The following PKD1L1 variants were observed in gnomAD, a reference collection of about 807,000 sequenced individuals.
PKD1L1 encodes the protein polycystin 1 like 1, transient receptor potential channel interacting.
A neutral mutation model predicts 323.4 loss-of-function variants in PKD1L1; 236 were observed. The ratio of observed to expected loss-of-function variants is 0.73; its 90% CI spans 0.66 to 0.81. The LOEUF (loss-of-function observed/expected upper bound fraction) is 0.81, where lower values mean the gene tolerates loss of function less well. Among genes scored for constraint, PKD1L1 ranks in the 40% least tolerant of loss-of-function variants. The pLI is 0.00. For synonymous variants in PKD1L1, 1,344 were observed against 1,335.0 expected, an observed-to-expected ratio of 1.01 and a Z score of -0.15; for missense variants, 3,320 against 3,508.0, an observed-to-expected ratio of 0.95 and a Z score of 1.35.
At position 47,815,382 on chromosome 7, in the gene PKD1L1, A is replaced by G. The variant is rs1365982129; in HGVS notation, c.7041T>C (p.Asp2347=). 6.9e-5 allele frequency: 112 copies of G among 1,614,048 alleles called. No homozygotes were observed. Among genetic ancestry groups the G allele is most frequent in the Non-Finnish European group, 9.5e-5 (112 of 1,180,028 alleles). The change falls in exon 47 of 57, where the codon GAT becomes GAC. Residue 2347 remains aspartate (D), a synonymous_variant. Transcript: ENST00000289672. The part of the protein sequence containing the change: ...WWDWSLTTLL[D]GLYPGGTPSA... ...ACGGGGTGCCTCCCGGGTACAGGCC[A>G]TCCAGAAGTGTGGTCAGACTCCAGT... is the stretch of plus-strand genomic sequence containing the variant.
At position 47,858,672 on chromosome 7, in the gene PKD1L1, C is replaced by T; in HGVS notation, c.4362+1G>A. 7 of 1,607,932 alleles carry T rather than the reference C, an allele frequency of 4.4e-6. No individual in the cohort carries two copies. The highest frequency in any genetic ancestry group is 6.0e-6 in the Non-Finnish European group (7 of 1,174,422). ...ATGGATGGAGAAAAAGTGTGACTTA[C>T]CAACAATAAATCTGAGATGACTGTA... is the stretch of plus-strand genomic sequence containing the variant. On this transcript the variant is annotated splice_donor_variant, in intron 27 of 56. Transcript: ENST00000289672. LOFTEE classifies it high-confidence loss of function.
At chr7:47,864,507 G>A (rs555343790) in intron 26 of PKD1L1, among the ~76,000 whole-genome samples, 5 of 152,248 alleles carry the variant, frequency 3.3e-5, no homozygotes, top group South Asian at 4.2e-4. Context: ...TGGATAGTAC[G>A]TGTTCTCATC....
intron 13 of PKD1L1, among the ~76,000 whole-genome samples, chr7:47,901,327 C>CAAA (rs71699736): frequency 5.3e-4 from 33 of 62,544 alleles, no homozygotes; most frequent in Middle Eastern, 0.01. Flanking sequence ...AACAGAGTCT[C>CAAA]AAAAAAAAAA....
Position 47,905,304 on chromosome 7 carries a change from C to G in PKD1L1, c.1544G>C (p.Gly515Ala). Residue 515 changes from glycine to alanine, a missense_variant, in exon 11 of 57, where the codon GGA becomes GCA. Gly to Ala is a moderately conservative substitution (Grantham distance 60). Coordinates refer to ENST00000289672, the MANE Select transcript of PKD1L1 (RefSeq NM_138295.5). The stretch of plus-strand genomic sequence containing the variant: ...GTCTGTGTCTGTGGCAAACACAGTT[C>G]CATTTGTGTAGACAGAGACGGCTGT... ...KMQSVSVYTN[G>A]TVFATDTDIT... 2 of 1,613,952 alleles carry G rather than the reference C, an allele frequency of 1.2e-6. No individual in the cohort carries two copies. The highest frequency in any genetic ancestry group is 1.7e-6 in the Non-Finnish European group (2 of 1,179,944).
chr7:47,891,218 G>A (rs1475635392), intron 15 of PKD1L1, among the ~76,000 whole-genome samples: 1 of 152,188 alleles, frequency 6.6e-6, no homozygotes. Context: ...AGGCCTCAGA[G>A]TGTTTCCCTG....
chr7:47,786,692 T>C (rs1786815106), intron 56 of PKD1L1, among the ~76,000 whole-genome samples: 1 of 152,230 alleles, frequency 6.6e-6, no homozygotes, highest in South Asian at 2.1e-4. Context: ...CTGACATCTC[T>C]AAATTGCATC....
intron 56 of PKD1L1, among the ~76,000 whole-genome samples, chr7:47,781,364 T>C (rs6953528): frequency 0.38 from 57,065 of 149,724 alleles, 11,580 homozygotes; most frequent in East Asian, 0.78. Flanking sequence ...ATCCTCTCAA[T>C]AAAGTCATTT....
At chr7:47,894,661 G>A (rs1786897585) in intron 14 of PKD1L1, among the ~76,000 whole-genome samples, 1 of 152,018 alleles carries the variant, frequency 6.6e-6, no homozygotes, top group Admixed American at 6.6e-5. Context: ...GACCAGCCTG[G>A]GCAACACGGT....
At chr7:47,852,089 A>C (rs1490385388) in intron 31 of PKD1L1, among the ~76,000 whole-genome samples, 1 of 152,098 alleles carries the variant, frequency 6.6e-6, no homozygotes, top group Non-Finnish European at 1.5e-5. Context: ...GAGATGTTTA[A>C]GTATTCAGGG....
At chr7:47,781,399 GTTTTGTTTTGTTT>G (rs1786690543) in intron 56 of PKD1L1, among the ~76,000 whole-genome samples, 3 of 71,772 alleles carry the variant, frequency 4.2e-5, no homozygotes, top group Admixed American at 1.7e-4. Flanking sequence ...TTTTTTTTTT[GTTTTGTTTTGTTT>G]TTTTTTTTTT....
At chr7:47,829,224 G>T (rs1785292765) in intron 44 of PKD1L1, among the ~76,000 whole-genome samples, 1 of 151,848 alleles carries the variant, frequency 6.6e-6, no homozygotes, top group Non-Finnish European at 1.5e-5. Flanking sequence ...ACTTCTTTAG[G>T]ATTGGAGTTA....
At chr7:47,831,492 G>A in intron 41 of PKD1L1, 140 bp from the exon 42 acceptor site, 1 of 1,168,706 alleles carries the variant, frequency 8.6e-7, no homozygotes. Flanking sequence ...TGATTTTTGA[G>A]TGTGTTCGGG....
chr7:47,833,571 C>T lies in PKD1L1; in HGVS notation c.6175-319G>A, dbSNP rs147690076. Among the ~76,000 whole-genome samples, 591 of 152,224 alleles carry T rather than the reference C, an allele frequency of 3.9e-3. 2 individuals are homozygous for T. Among genetic ancestry groups the T allele is most frequent in the African/African-American group, 0.014 (563 of 41,542 alleles). On this transcript the variant is annotated intron_variant, in intron 40 of 56. Transcript: ENST00000289672. Reference sequence around the variant, plus strand: ...CAGAGGGGAATCCAGCCAAGAGCAACGGGTTGAACAAAGCCTCCAAGTGGG... The same window carrying T: ...CAGAGGGGAATCCAGCCAAGAGCAATGGGTTGAACAAAGCCTCCAAGTGGG...
At chr7:47,819,474 A>G in intron 46 of PKD1L1, 1 of 1,210,192 alleles carries the variant, frequency 8.3e-7, no homozygotes, top group Non-Finnish European at 1.1e-6. Flanking sequence ...ATTTCCATTG[A>G]GGACCCAAAT....
intron 40 of PKD1L1, among the ~76,000 whole-genome samples, chr7:47,834,003 G>T (rs1157238794): frequency 6.6e-6 from 1 of 152,170 alleles, no homozygotes; most frequent in Non-Finnish European, 1.5e-5. Flanking sequence ...CTCTCCCACG[G>T]TCCTGCCGGT....
At chr7:47,793,259 T>C (rs1786995199) in intron 55 of PKD1L1, among the ~76,000 whole-genome samples, 1 of 152,178 alleles carries the variant, frequency 6.6e-6, no homozygotes, top group Non-Finnish European at 1.5e-5. Context: ...AGAACCTTAC[T>C]GGATGATGCT....
chr7:47,851,562 C>G (rs1339482290), intron 31 of PKD1L1, among the ~76,000 whole-genome samples: 2 of 152,060 alleles, frequency 1.3e-5, no homozygotes, highest in Non-Finnish European at 2.9e-5. Flanking sequence ...TTCTATGTAC[C>G]TATATCACCC....
chr7:47,819,594 A>G, intron 46 of PKD1L1: 1 of 1,361,104 alleles, frequency 7.3e-7, no homozygotes, highest in South Asian at 1.2e-5. Context: ...GGTTTCACAA[A>G]TGAGGAGGCA....
chr7:47,848,731 G>A (rs1466148036), intron 31 of PKD1L1, among the ~76,000 whole-genome samples: 2 of 152,328 alleles, frequency 1.3e-5, no homozygotes, highest in African/African-American at 4.8e-5. Flanking sequence ...CTTGAACCCA[G>A]GAGGTGAAGG....
Sources: gnomAD v4.1 joint callset for allele counts (sites outside exome capture counted in the v4.1 genomes callset) on GRCh38, gnomAD v4.1.1 for gene constraint, MANE v1.5 for transcripts, NCBI Gene and HGNC (gene_info 2026-07-23, HGNC 2026-07-21) for gene names.